NOL4L: variants seen among roughly 807,000 people sequenced by gnomAD.
The protein encoded by NOL4L is nucleolar protein 4-like.
In NOL4L, 7 loss-of-function variants were observed where a neutral mutation model predicts 64.5. That is an observed-to-expected ratio of 0.11 (90% CI 0.06 to 0.20). The LOEUF (loss-of-function observed/expected upper bound fraction) is 0.20, where lower values mean the gene tolerates loss of function less well. Ranked by LOEUF, NOL4L falls within the 10% of genes least tolerant of loss-of-function variation. NOL4L has a pLI of 1.00. For missense variants in NOL4L, 680 were observed against 967.1 expected, an observed-to-expected ratio of 0.70 and a Z score of 3.94; for synonymous variants, 413 against 401.0, an observed-to-expected ratio of 1.03 and a Z score of -0.36.
At chr20:32,527,624 C>T (rs183323060) in intron 2 of NOL4L, 134 bp downstream of exon 2, 1 of 1,055,750 alleles carries the variant, frequency 9.5e-7, no homozygotes, top group Non-Finnish European at 1.3e-6. Context: ...GCCCTGTGCC[C>T]CCCTAGATCC....
chr20:32,562,385 G>T (rs1250073646), intron 1 of NOL4L, among the ~76,000 whole-genome samples: 1 of 152,172 alleles, frequency 6.6e-6, no homozygotes, highest in Non-Finnish European at 1.5e-5. Context: ...GCTCCCCAGT[G>T]CCCAGATAAA....
chr20:32,529,638 C>A (rs1302995724), intron 1 of NOL4L, among the ~76,000 whole-genome samples: 1 of 152,198 alleles, frequency 6.6e-6, no homozygotes, highest in Non-Finnish European at 1.5e-5. Context: ...AGATGGGGGG[C>A]AAAGGGCATC....
chr20:32,489,866 C>T lies in NOL4L; in HGVS notation c.700-15124G>A, dbSNP rs569952558. Among the ~76,000 whole-genome samples the T allele has an allele frequency of 1.7e-4, 26 of 151,486 alleles. 1 individual carries two copies. In the East Asian group the frequency reaches 3.9e-3, roughly 23 times the overall value. ...TTTTCTGGCCTGGCATGGTGACTCACGCCTGTAATCCCAGCATTTTGCGAA... is the reference window on the plus strand; with the variant it reads ...TTTTCTGGCCTGGCATGGTGACTCATGCCTGTAATCCCAGCATTTTGCGAA... On this transcript the variant is annotated intron_variant, in intron 4 of 10. Transcript: ENST00000621426.
chr20:32,474,610 G>C lies in NOL4L; in HGVS notation c.832C>G (p.Gln278Glu). ...ACCAAGGGGCACTCACCGTCCTCTT[G>C]ACTGTGGAGGTTCTGCGGGCTCCGC... is the stretch of plus-strand genomic sequence containing the variant. ...RMRSPQNLHS[Q>E]EDDDSSSESG... Residue 278 changes from glutamine to glutamate, a missense_variant, in exon 5 of 11, where the codon CAA (glutamine) becomes GAA (glutamate). By Grantham distance (29) the Gln-to-Glu change is conservative (BLOSUM62 2). Coordinates refer to ENST00000621426, the MANE Select transcript of NOL4L (RefSeq NM_001256798.2). 2 of 1,612,242 alleles carry C rather than the reference G, an allele frequency of 1.2e-6. No homozygotes were observed. The highest frequency in any genetic ancestry group is 8.5e-7 in the Non-Finnish European group (1 of 1,179,378).
At chr20:32,580,861 C>G (rs144473619) in intron 1 of NOL4L, among the ~76,000 whole-genome samples, 1 of 152,202 alleles carries the variant, frequency 6.6e-6, no homozygotes, top group South Asian at 2.1e-4. Context: ...CCACCTCAGC[C>G]GTAACCTGTG....
intron 4 of NOL4L, among the ~76,000 whole-genome samples, chr20:32,495,311 G>A (rs1316427049): frequency 6.6e-6 from 1 of 152,232 alleles, no homozygotes; most frequent in Non-Finnish European, 1.5e-5. Context: ...CAGGGCATGG[G>A]CTCTGTGACT....
chr20:32,516,345 G>A (rs747103494), intron 3 of NOL4L, among the ~76,000 whole-genome samples: 1 of 152,162 alleles, frequency 6.6e-6, no homozygotes, highest in Non-Finnish European at 1.5e-5. Context: ...TCTTCGAGGA[G>A]TGCTGATGTG....
At chr20:32,486,982 A>G (rs924702885) in intron 4 of NOL4L, among the ~76,000 whole-genome samples, 1 of 152,254 alleles carries the variant, frequency 6.6e-6, no homozygotes, top group Non-Finnish European at 1.5e-5. Flanking sequence ...TGAAAGAGAA[A>G]TAACAGCCGG....
chr20:32,474,635 C>T lies in NOL4L; in HGVS notation c.807G>A (p.Met269Ile). 6.2e-7 allele frequency: 1 copy of T among 1,613,546 alleles called. No homozygotes were observed. Among genetic ancestry groups the T allele is most frequent in the Non-Finnish European group, 8.5e-7 (1 of 1,179,868 alleles). Reference protein sequence around the residue: ...SSLSPSQDERMRSPQNLHSQE... With the variant: ...SSLSPSQDERIRSPQNLHSQE... ...GACTGTGGAGGTTCTGCGGGCTCCGCATCCTCTCGTCCTGGCTGGGGCTCA... is the reference window on the plus strand; with the variant it reads ...GACTGTGGAGGTTCTGCGGGCTCCGTATCCTCTCGTCCTGGCTGGGGCTCA... Residue 269 changes from methionine to isoleucine, a missense_variant, in exon 5 of 11, where the codon ATG becomes ATA. By Grantham distance (10) the Met-to-Ile change is conservative (BLOSUM62 1). Transcript: ENST00000621426.
At chr20:32,533,688 C>G (rs2018420188) in intron 1 of NOL4L, among the ~76,000 whole-genome samples, 1 of 152,238 alleles carries the variant, frequency 6.6e-6, no homozygotes, top group African/African-American at 2.4e-5. Context: ...CAGGAACGCC[C>G]TGCATCCTGA....
chr20:32,456,414 G>T lies in NOL4L; in HGVS notation c.842-19C>A, dbSNP rs1170356785. 1.4e-6 allele frequency: 2 copies of T among 1,451,932 alleles called. No homozygotes were observed. Among genetic ancestry groups the T allele is most frequent in the African/African-American group, 2.9e-5 (2 of 68,724 alleles). 89.9% of individuals were successfully genotyped at this position (1,451,932 alleles called of 1,614,324 possible). ...GAGTCATCTGGAATGAGAGGCCTGG[G>T]TGTGAGGCCCCACCCAAGGCACTGT... On this transcript the variant is annotated intron_variant, in intron 5 of 10. Transcript: ENST00000621426.
intron 4 of NOL4L, among the ~76,000 whole-genome samples, chr20:32,481,868 C>T (rs547691516): frequency 6.6e-6 from 1 of 151,718 alleles, no homozygotes; most frequent in South Asian, 2.1e-4. Flanking sequence ...GGGGCCTGGT[C>T]CCATCACACA....
intron 1 of NOL4L, among the ~76,000 whole-genome samples, chr20:32,583,900 G>A (rs1286320781): frequency 6.7e-6 from 1 of 149,866 alleles, no homozygotes; most frequent in African/African-American, 2.4e-5. Flanking sequence ...CATGAAGGGG[G>A]AACGAGGGGC....
chr20:32,528,625 T>C (rs1218573571), intron 1 of NOL4L, among the ~76,000 whole-genome samples: 1 of 151,944 alleles, frequency 6.6e-6, no homozygotes. Context: ...GACGGGTCCT[T>C]CAATAGCAAA....
chr20:32,463,395 A>G lies in NOL4L; in HGVS notation c.842-7000T>C, dbSNP rs1379587886. 2.0e-5 allele frequency among the ~76,000 whole-genome samples: 3 copies of G among 152,166 alleles called. No individual in the cohort carries two copies. The highest frequency in any genetic ancestry group is 6.5e-5 in the Admixed American group (1 of 15,284). On this transcript the variant is annotated intron_variant, in intron 5 of 10. Coordinates refer to ENST00000621426, the MANE Select transcript of NOL4L (RefSeq NM_001256798.2). The surrounding 1 kb of genome is among the most constrained non-coding windows in gnomAD (Gnocchi z 5.8). ...ATGAAAGCAGGGTGGGCCTGCCCCCAGCCCATGGCTGCGTGGGCAGCAGAG... is the reference window on the plus strand; with the variant it reads ...ATGAAAGCAGGGTGGGCCTGCCCCCGGCCCATGGCTGCGTGGGCAGCAGAG...
intron 10 of NOL4L, among the ~76,000 whole-genome samples, chr20:32,450,749 C>T (rs570398600): frequency 6.6e-6 from 1 of 152,260 alleles, no homozygotes; most frequent in South Asian, 2.1e-4. Context: ...CCACCCTCAC[C>T]TCACCTGCTG....
At chr20:32,468,262 AC>A (rs2014718529) in intron 5 of NOL4L, among the ~76,000 whole-genome samples, 1 of 151,644 alleles carries the variant, frequency 6.6e-6, no homozygotes, top group African/African-American at 2.4e-5. Flanking sequence ...TCCATGCCAG[AC>A]CCTCCCCAGA....
At chr20:32,525,342 G>A (rs1333768316) in intron 2 of NOL4L, among the ~76,000 whole-genome samples, 1 of 152,206 alleles carries the variant, frequency 6.6e-6, no homozygotes, top group Admixed American at 6.5e-5. Context: ...CAAGTCATAG[G>A]GCTTACTAGC....
intron 1 of NOL4L, among the ~76,000 whole-genome samples, chr20:32,565,245 G>A (rs1979352581): frequency 1.4e-5 from 2 of 142,984 alleles, no homozygotes; most frequent in Admixed American, 1.4e-4. Context: ...CACACAGGCC[G>A]AGTGGACGGT....
Sources: gnomAD v4.1 joint callset for allele counts (sites outside exome capture counted in the v4.1 genomes callset) on GRCh38, gnomAD v4.1.1 for gene constraint, Gnocchi (gnomAD v3.1) non-coding constraint, MANE v1.5 for transcripts, NCBI Gene and HGNC (gene_info 2026-07-23, HGNC 2026-07-21) for gene names.